The following CTIF variants were observed in gnomAD, a reference collection of about 807,000 sequenced individuals.
The protein encoded by CTIF is CBP80/20-dependent translation initiation factor.
In CTIF, 21 loss-of-function variants were observed where a neutral mutation model predicts 66.0. The observed-to-expected ratio is 0.32, with a 90% confidence interval of 0.23 to 0.46. The LOEUF (loss-of-function observed/expected upper bound fraction) is 0.46. Ranked by LOEUF, CTIF falls within the 20% of genes least tolerant of loss-of-function variation. The pLI is 1.00. For synonymous variants in CTIF, 345 were observed against 326.4 expected (o/e 1.06, Z -0.62); for missense variants, 739 against 812.7 (o/e 0.91, Z 1.10).
At chr18:48,742,579 T>G (rs1269252226) in intron 7 of CTIF, among the ~76,000 whole-genome samples, 2 of 152,166 alleles carry the variant, frequency 1.3e-5, no homozygotes, top group Admixed American at 1.3e-4. Flanking sequence ...CCCGAGTGAG[T>G]GATGACAGCA....
chr18:48,746,099 G>A (rs887817156), intron 7 of CTIF, among the ~76,000 whole-genome samples: 1 of 152,268 alleles, frequency 6.6e-6, no homozygotes, highest in Non-Finnish European at 1.5e-5. Flanking sequence ...TCCGCCAAGA[G>A]CCTGGAGGCT....
intron 7 of CTIF, among the ~76,000 whole-genome samples, chr18:48,740,328 T>G (rs543292623): frequency 2.0e-5 from 3 of 152,176 alleles, no homozygotes; most frequent in Admixed American, 6.5e-5. Flanking sequence ...GTTCCTGCCC[T>G]TCCCCCTACC....
rs528258468 is a variant in CTIF at position 48,767,497 on chromosome 18, G to T, written c.1371+5808G>T. ...GTTTAGCCAAGAGGTGTCTGCATCC[G>T]AGCTATGCAGAGCAAAGTATTATTA... On this transcript the variant is annotated intron_variant, in intron 9 of 11. Transcript: ENST00000256413. Among the ~76,000 whole-genome samples the T allele has an allele frequency of 2.6e-5, 4 of 152,258 alleles. No individual in the cohort carries two copies. In the East Asian group the frequency reaches 7.7e-4, roughly 29 times the overall value.
At chr18:48,730,391 T>TGTGTGAGGGGCTTCCGCG (rs2092435360) in intron 7 of CTIF, among the ~76,000 whole-genome samples, 1 of 52,212 alleles carries the variant, frequency 1.9e-5, no homozygotes, top group Non-Finnish European at 3.8e-5. Context: ...GGGCTCCTGC[T>TGTGTGAGGGGCTTCCGCG]GTGTGAGGGG....
intron 9 of CTIF, among the ~76,000 whole-genome samples, chr18:48,776,013 C>G (rs185327930): frequency 1.4e-3 from 214 of 152,374 alleles, no homozygotes; most frequent in African/African-American, 5.0e-3. Context: ...ACTAAAACTT[C>G]TACCTCAAGA....
intron 6 of CTIF, among the ~76,000 whole-genome samples, chr18:48,696,037 C>G (rs1234713895): frequency 6.6e-6 from 1 of 152,254 alleles, no homozygotes; most frequent in East Asian, 1.9e-4. Flanking sequence ...CAAGGAGTGT[C>G]ACAGATCTGG....
intron 9 of CTIF, among the ~76,000 whole-genome samples, chr18:48,800,635 A>T (rs1258982720): frequency 6.6e-6 from 1 of 152,240 alleles, no homozygotes; most frequent in African/African-American, 2.4e-5. Flanking sequence ...AGACCAAAGA[A>T]GCAGGAGGAG....
At chr18:48,846,073 G>T (rs1023527107) in intron 10 of CTIF, among the ~76,000 whole-genome samples, 3 of 152,194 alleles carry the variant, frequency 2.0e-5, no homozygotes, top group African/African-American at 7.2e-5. Flanking sequence ...AAATCTTTCA[G>T]TGGCTCTCCA....
At chr18:48,563,843 C>A (rs1249172437) in intron 1 of CTIF, among the ~76,000 whole-genome samples, 1 of 152,156 alleles carries the variant, frequency 6.6e-6, no homozygotes, top group Admixed American at 6.5e-5. Flanking sequence ...GATTTGGGAC[C>A]CCTGAGATTG....
intron 9 of CTIF, among the ~76,000 whole-genome samples, chr18:48,776,372 A>G (rs1910676195): frequency 9.4e-6 from 1 of 106,944 alleles, no homozygotes; most frequent in Non-Finnish European, 2.0e-5. Context: ...GGGGAGCATG[A>G]TGCCACCCCC....
At chr18:48,644,295 A>G (rs898439613) in intron 3 of CTIF, among the ~76,000 whole-genome samples, 1 of 152,224 alleles carries the variant, frequency 6.6e-6, no homozygotes, top group Non-Finnish European at 1.5e-5. Flanking sequence ...GGTGAGGAAC[A>G]TAGCCATGGT....
rs566879906 is a variant in CTIF at position 48,545,592 on chromosome 18, G to A, written c.-29+6280G>A. ...AGATGGACGGCAGCTCTTAACTCAG[G>A]TGCGAACTTCTGGTTGCTGGAGCAG... On this transcript the variant is annotated intron_variant, in intron 1 of 11. Transcript: ENST00000256413. 6.4e-4 allele frequency among the ~76,000 whole-genome samples: 97 copies of A among 152,150 alleles called. 5 individuals carry two copies. The South Asian group carries it at 0.019, about 31-fold the overall frequency.
At chr18:48,691,335 G>A (rs1165587536) in intron 6 of CTIF, among the ~76,000 whole-genome samples, 1 of 152,154 alleles carries the variant, frequency 6.6e-6, no homozygotes, top group African/African-American at 2.4e-5. Context: ...CAGGGCCTGT[G>A]TATAGCTTAC....
intron 1 of CTIF, among the ~76,000 whole-genome samples, chr18:48,569,060 G>A (rs1201344391): frequency 1.3e-5 from 2 of 152,114 alleles, no homozygotes; most frequent in Non-Finnish European, 2.9e-5. Context: ...GGCTCTGTCT[G>A]TGTCCCAGCC....
chr18:48,613,243 C>A (rs1390237898), intron 1 of CTIF, among the ~76,000 whole-genome samples: 1 of 152,160 alleles, frequency 6.6e-6, no homozygotes, highest in East Asian at 1.9e-4. Flanking sequence ...TTGTCTCTAG[C>A]CTGTGGGTGC....
intron 1 of CTIF, among the ~76,000 whole-genome samples, chr18:48,584,267 T>C (rs1248546002): frequency 2.6e-5 from 4 of 152,240 alleles, no homozygotes; most frequent in Middle Eastern, 3.2e-3. Flanking sequence ...TTGGAGATAG[T>C]ATAAGATGGG....
At chr18:48,752,417 T>A (rs1731586446) in intron 7 of CTIF, among the ~76,000 whole-genome samples, 1 of 152,190 alleles carries the variant, frequency 6.6e-6, no homozygotes, top group South Asian at 2.1e-4. Flanking sequence ...ATGCCCCCAG[T>A]TCTCCAAAGA....
chr18:48,603,192 AGGTGGGTGGATG>A (rs2090130807), intron 1 of CTIF, among the ~76,000 whole-genome samples: 1 of 114,348 alleles, frequency 8.7e-6, no homozygotes. Flanking sequence ...GTGGGTGGAT[AGGTGGGTGGATG>A]GACAGATGGA....
intron 3 of CTIF, among the ~76,000 whole-genome samples, chr18:48,656,523 C>A (rs969561048): frequency 1.3e-5 from 2 of 152,186 alleles, no homozygotes; most frequent in Non-Finnish European, 2.9e-5. Flanking sequence ...CTGACCTCCC[C>A]TGAGCTGGGG....
Sources: allele counts gnomAD v4.1 joint callset (sites outside exome capture counted in the v4.1 genomes callset), GRCh38; gene constraint gnomAD v4.1.1; transcripts MANE v1.5; gene names NCBI Gene and HGNC (gene_info 2026-07-23, HGNC 2026-07-21).